GCNT4: variants seen among roughly 807,000 people sequenced by gnomAD.
GCNT4 encodes the protein glucosaminyl (N-acetyl) transferase 4, also known as beta-1,3-galactosyl-O-glycosyl-glycoprotein beta-1,6-N-acetylglucosaminyltransferase 4.
GCNT4 carries 17 observed loss-of-function variants against 31.3 expected under a neutral mutation model. That is an observed-to-expected ratio of 0.54 (90% CI 0.37 to 0.81). GCNT4 has a LOEUF of 0.81. Among genes scored for constraint, GCNT4 ranks in the 40% least tolerant of loss-of-function variants. The probability of loss-of-function intolerance (pLI) is 0.00; values close to 1 mark genes in which losing one functional copy is unlikely to be tolerated. For missense variants in GCNT4, 503 were observed against 525.5 expected (o/e 0.96, Z 0.42); for synonymous variants, 158 against 190.6 (o/e 0.83, Z 1.41).
chr5:75,046,034 T>C (rs1258490249), intron 3 of GCNT4, among the ~76,000 whole-genome samples: 1 of 152,236 alleles, frequency 6.6e-6, no homozygotes, highest in African/African-American at 2.4e-5. Context: ...TGAAATGATG[T>C]TCTTCCTTTC....
intron 3 of GCNT4, among the ~76,000 whole-genome samples, chr5:75,041,684 TAACAAC>T (rs964932527): frequency 2.0e-5 from 3 of 151,962 alleles, no homozygotes; most frequent in African/African-American, 7.3e-5. Flanking sequence ...TGTAGCAATG[TAACAAC>T]AACAACAACA....
chr5:75,027,025 T>C lies in GCNT4; in HGVS notation c.*1651A>G, dbSNP rs1318301382. 6.6e-6 allele frequency: 1 copy of C among 151,912 alleles called. No homozygotes were observed. The highest frequency in any genetic ancestry group is 1.5e-5 in the Non-Finnish European group (1 of 67,978). The allele number at this position is 151,912 out of a possible 1,614,324, so 9.4% of individuals were successfully genotyped here. A position where few individuals can be genotyped will look rare whatever the true frequency, so the allele number is the denominator to read the frequency against. ...AGAACACAGACATTTAAAAAATATG[T>C]AATACTTAAATCTTCCAAATTGTCC... On this transcript the variant is annotated 3_prime_UTR_variant, in exon 4 of 4. Transcript: ENST00000652361.
chr5:75,031,610 C>T (rs892806748), intron 3 of GCNT4, among the ~76,000 whole-genome samples: 3 of 152,242 alleles, frequency 2.0e-5, no homozygotes, highest in South Asian at 2.1e-4. Flanking sequence ...ACACTGGTAA[C>T]GGGAATTGCT....
chr5:75,052,667 C>A (rs899544672), upstream of GCNT4: 2 of 152,222 alleles, frequency 1.3e-5, no homozygotes, highest in African/African-American at 4.8e-5. Context: ...ACTCGGAGGC[C>A]CCCTCCAGCC....
At chr5:75,037,779 G>A (rs1190050810) in intron 3 of GCNT4, among the ~76,000 whole-genome samples, 2 of 151,988 alleles carry the variant, frequency 1.3e-5, no homozygotes, top group Non-Finnish European at 2.9e-5. Context: ...TTGGGAGGCC[G>A]AGGCAGGAGA....
At chr5:75,024,049 T>C (rs1213402452), downstream of GCNT4, 4 of 152,222 alleles carry the variant, frequency 2.6e-5, no homozygotes, top group Non-Finnish European at 4.4e-5. Flanking sequence ...CACCAGATTT[T>C]TTTTCCAGTA....
chr5:75,032,988 G>T (rs1255223379), intron 3 of GCNT4, among the ~76,000 whole-genome samples: 1 of 151,794 alleles, frequency 6.6e-6, no homozygotes, highest in Non-Finnish European at 1.5e-5. Flanking sequence ...ATTGGAAGGG[G>T]TCTAACTCAA....
intron 3 of GCNT4, among the ~76,000 whole-genome samples, chr5:75,041,432 G>T (rs1475930002): frequency 2.0e-5 from 3 of 152,174 alleles, no homozygotes; most frequent in Non-Finnish European, 2.9e-5. Flanking sequence ...CATCTTCCCT[G>T]AATAAAGGAC....
chr5:75,050,252 G>A (rs1743538471), intron 2 of GCNT4, among the ~76,000 whole-genome samples: 1 of 152,188 alleles, frequency 6.6e-6, no homozygotes, highest in Non-Finnish European at 1.5e-5. Flanking sequence ...AGTCACACGT[G>A]CTTTAAAACA....
chr5:75,044,871 A>T (rs1001561110), intron 3 of GCNT4, among the ~76,000 whole-genome samples: 10 of 152,138 alleles, frequency 6.6e-5, no homozygotes, highest in South Asian at 4.1e-4. Flanking sequence ...TTGATTTTTT[A>T]AAAAAAGAAT....
chr5:75,045,214 C>T (rs1400925713), intron 3 of GCNT4, among the ~76,000 whole-genome samples: 3 of 152,222 alleles, frequency 2.0e-5, no homozygotes, highest in African/African-American at 7.2e-5. Context: ...GTAGTGCAAC[C>T]ATCACCACAA....
intron 3 of GCNT4, among the ~76,000 whole-genome samples, chr5:75,032,659 G>C (rs1026702192): frequency 6.6e-6 from 1 of 152,158 alleles, no homozygotes; most frequent in Non-Finnish European, 1.5e-5. Context: ...CTGTTGACTG[G>C]TCTCAGCTTT....
In GCNT4 at chr5:75,045,571, C is replaced by T. The variant is rs144169992; in HGVS notation, c.-2+2326G>A. Among the ~76,000 whole-genome samples, 1,199 of 152,274 alleles carry T rather than the reference C, an allele frequency of 7.9e-3. 3 individuals are homozygous for T. Among genetic ancestry groups the T allele is most frequent in the Non-Finnish European group, 0.013 (867 of 68,032 alleles). On this transcript the variant is annotated intron_variant, in intron 3 of 3. Coordinates refer to ENST00000652361, the MANE Select transcript of GCNT4 (RefSeq NM_001366737.1). ...TTTGCTTCCACCCTTTCAGCTATTG[C>T]GAATAATTCTGCTATGAACAAGGGT...
Position 75,041,020 on chromosome 5 carries a change from C to T in GCNT4, c.-2+6877G>A, listed in dbSNP as rs756863327. 5.3e-4 allele frequency among the ~76,000 whole-genome samples: 81 copies of T among 152,144 alleles called. 1 individual carries two copies. The highest frequency in any genetic ancestry group is 7.8e-4 in the Non-Finnish European group (53 of 68,032). On this transcript the variant is annotated intron_variant, in intron 3 of 3. Coordinates refer to ENST00000652361, the MANE Select transcript of GCNT4 (RefSeq NM_001366737.1). ...GTTATTTAAAAGACAGCCAAGAGCA[C>T]GTGCAATCAGTTTCATGCAGTTATG...
chr5:75,021,261 C>T (rs1742877414), downstream of GCNT4, among the ~76,000 whole-genome samples: 1 of 152,146 alleles, frequency 6.6e-6, no homozygotes, highest in African/African-American at 2.4e-5. Context: ...GAGAGCTGTG[C>T]TGGGCTAGCA....
intron 3 of GCNT4, among the ~76,000 whole-genome samples, chr5:75,035,457 C>A (rs968265029): frequency 6.6e-6 from 1 of 152,180 alleles, no homozygotes; most frequent in Non-Finnish European, 1.5e-5. Context: ...AAGAAAGGAG[C>A]TGCGCTTCAG....
downstream of GCNT4, among the ~76,000 whole-genome samples, chr5:75,024,329 C>G (rs1218905308): frequency 6.6e-6 from 1 of 152,134 alleles, no homozygotes; most frequent in African/African-American, 2.4e-5. Flanking sequence ...TTGGTAAGAG[C>G]TAGAATTAAC....
downstream of GCNT4, among the ~76,000 whole-genome samples, chr5:75,024,890 G>A (rs1194617962): frequency 6.8e-6 from 1 of 146,172 alleles, no homozygotes; most frequent in East Asian, 2.0e-4. Context: ...GGCGGAGGTT[G>A]CAGTGAGCCG....
chr5:75,051,001 C>T (rs1444933492), intron 2 of GCNT4, among the ~76,000 whole-genome samples: 5 of 152,258 alleles, frequency 3.3e-5, no homozygotes, highest in Admixed American at 1.3e-4. Flanking sequence ...CACAATGCCC[C>T]TTGGCATCAC....
Sources: allele counts gnomAD v4.1 joint callset (sites outside exome capture counted in the v4.1 genomes callset), GRCh38; gene constraint gnomAD v4.1.1; transcripts MANE v1.5; gene names NCBI Gene and HGNC (gene_info 2026-07-23, HGNC 2026-07-21).